WWOX: variants seen among roughly 807,000 people sequenced by gnomAD.
WWOX encodes WW domain containing oxidoreductase.
Under a neutral mutation model 46.2 loss-of-function variants are expected in WWOX, and 69 were observed. The observed-to-expected ratio is 1.49, with a 90% confidence interval of 1.23 to 1.82. WWOX has a LOEUF of 1.82. WWOX is among the 40% of genes most tolerant of loss of function. The pLI is 0.00. For synonymous variants in WWOX, 359 were observed against 202.6 expected, an observed-to-expected ratio of 1.77 and a Z score of -6.56; for missense variants, 919 against 542.6, an observed-to-expected ratio of 1.69 and a Z score of -6.89.
At chr16:78,614,609 G>T (rs1225764364) in intron 8 of WWOX, among the ~76,000 whole-genome samples, 2 of 152,182 alleles carry the variant, frequency 1.3e-5, no homozygotes, top group East Asian at 3.9e-4. Context: ...CTTTGAGCTA[G>T]AGAGACATAG....
intron 5 of WWOX, among the ~76,000 whole-genome samples, chr16:78,252,844 G>T (rs557315720): frequency 6.7e-4 from 102 of 152,316 alleles, no homozygotes; most frequent in African/African-American, 2.3e-3. Flanking sequence ...CTCGGCTTCA[G>T]CATTGAATTA....
At chr16:78,557,107 A>G (rs181425298) in intron 8 of WWOX, among the ~76,000 whole-genome samples, 1 of 152,296 alleles carries the variant, frequency 6.6e-6, no homozygotes, top group African/African-American at 2.4e-5. Context: ...TGGAAGGATG[A>G]TTGTGAGAAG....
intron 6 of WWOX, among the ~76,000 whole-genome samples, chr16:78,407,049 C>T (rs567616495): frequency 5.9e-5 from 9 of 152,312 alleles, no homozygotes; most frequent in African/African-American, 2.2e-4. Context: ...TTTGACCTTA[C>T]CTGGACTGAG....
At chr16:78,517,357 A>G (rs1191856294) in intron 8 of WWOX, among the ~76,000 whole-genome samples, 2 of 102,784 alleles carry the variant, frequency 1.9e-5, no homozygotes, top group Non-Finnish European at 3.5e-5. Flanking sequence ...CTATATTTTG[A>G]CATTTGAAGC....
At chr16:78,991,064 T>C (rs753863093) in intron 8 of WWOX, among the ~76,000 whole-genome samples, 6 of 152,140 alleles carry the variant, frequency 3.9e-5, no homozygotes, top group Non-Finnish European at 5.9e-5. Context: ...TGGGGACAAG[T>C]CAAAGCATGG....
intron 8 of WWOX, among the ~76,000 whole-genome samples, chr16:78,877,961 C>G (rs2044267156): frequency 6.6e-6 from 1 of 152,290 alleles, no homozygotes; most frequent in Non-Finnish European, 1.5e-5. Flanking sequence ...TTGCAAATCC[C>G]CTCTTGTGCC....
chr16:78,249,493 C>T (rs1280857914), intron 5 of WWOX, among the ~76,000 whole-genome samples: 8 of 152,198 alleles, frequency 5.3e-5, no homozygotes, highest in African/African-American at 1.4e-4. Flanking sequence ...CCCTTAATCC[C>T]CTTAATTTTT....
intron 8 of WWOX, among the ~76,000 whole-genome samples, chr16:78,502,831 C>A (rs1291292056): frequency 6.6e-6 from 1 of 152,132 alleles, no homozygotes; most frequent in Non-Finnish European, 1.5e-5. Flanking sequence ...GCTCTACTTA[C>A]AGTATGACTC....
At chr16:78,702,993 G>A (rs1010047981) in intron 8 of WWOX, among the ~76,000 whole-genome samples, 2 of 152,060 alleles carry the variant, frequency 1.3e-5, no homozygotes, top group East Asian at 1.9e-4. Context: ...ATAACTCTCC[G>A]CTCCCTTTCC....
At chr16:78,746,585 C>T (rs2049352145) in intron 8 of WWOX, among the ~76,000 whole-genome samples, 2 of 151,598 alleles carry the variant, frequency 1.3e-5, no homozygotes, top group African/African-American at 2.4e-5. Flanking sequence ...ATTTTTGGCT[C>T]TTGGCCTTGT....
intron 8 of WWOX, among the ~76,000 whole-genome samples, chr16:78,624,100 G>A (rs992575742): frequency 2.0e-5 from 3 of 152,042 alleles, no homozygotes; most frequent in South Asian, 2.1e-4. Flanking sequence ...GACCTAACAG[G>A]TCATATGATT....
chr16:78,883,150 G>A (rs1308937054), intron 8 of WWOX, among the ~76,000 whole-genome samples: 1 of 152,164 alleles, frequency 6.6e-6, no homozygotes, highest in African/African-American at 2.4e-5. Context: ...CACATGCCTA[G>A]GCACAAAATA....
At chr16:79,002,557 T>G (rs1248168623) in intron 8 of WWOX, among the ~76,000 whole-genome samples, 8 of 152,202 alleles carry the variant, frequency 5.3e-5, no homozygotes, top group Non-Finnish European at 8.8e-5. Context: ...TGATGACCCT[T>G]GCCATAGCAG....
At chr16:78,406,337 TA>T (rs1567553422) in intron 6 of WWOX, among the ~76,000 whole-genome samples, 56 of 103,154 alleles carry the variant, frequency 5.4e-4, no homozygotes, top group Middle Eastern at 4.1e-3. Context: ...TATATATATA[TA>T]TATATATATA....
intron 8 of WWOX, among the ~76,000 whole-genome samples, chr16:78,773,565 C>T (rs1012131993): frequency 6.6e-6 from 1 of 152,178 alleles, no homozygotes; most frequent in Non-Finnish European, 1.5e-5. Flanking sequence ...ACTAGTGGGG[C>T]TCTCACTTAT....
intron 8 of WWOX, among the ~76,000 whole-genome samples, chr16:78,703,116 AG>A (rs1248907323): frequency 6.6e-6 from 1 of 152,168 alleles, no homozygotes; most frequent in African/African-American, 2.4e-5. Flanking sequence ...CCTTGCTTTT[AG>A]TCAGGAGGCA....
chr16:79,104,032 T>TG (rs1328245121), intron 8 of WWOX, among the ~76,000 whole-genome samples: 2 of 16,202 alleles, frequency 1.2e-4, no homozygotes, highest in East Asian at 2.0e-3. Flanking sequence ...GGTGGTGCCC[T>TG]TTTTTGGGGG....
chr16:79,010,293 T>C (rs948588772), intron 8 of WWOX, among the ~76,000 whole-genome samples: 4 of 152,050 alleles, frequency 2.6e-5, no homozygotes, highest in Non-Finnish European at 4.4e-5. Flanking sequence ...ACACTCACAT[T>C]AGAGAGTGGC....
intron 8 of WWOX, among the ~76,000 whole-genome samples, chr16:79,173,906 T>A (rs1376435494): frequency 2.0e-5 from 3 of 152,158 alleles, no homozygotes; most frequent in African/African-American, 7.2e-5. Context: ...ACATAGATAC[T>A]TTTTTTCACT....
Sources: allele counts gnomAD v4.1 joint callset (sites outside exome capture counted in the v4.1 genomes callset), GRCh38; gene constraint gnomAD v4.1.1; transcripts MANE v1.5; gene names NCBI Gene and HGNC (gene_info 2026-07-23, HGNC 2026-07-21).